Variants in DHRSX observed in about 807,000 individuals in gnomAD.
DHRSX encodes the protein polyprenol dehydrogenase.
In DHRSX, 31 loss-of-function variants were observed where a neutral mutation model predicts 34.0. That is an observed-to-expected ratio of 0.91 (90% confidence interval 0.69 to 1.23). The LOEUF is 1.23. Among genes scored for constraint, DHRSX ranks in the 50% most tolerant of loss-of-function variants. The pLI is 0.00. For synonymous variants in DHRSX, 201 were observed against 183.8 expected, an observed-to-expected ratio of 1.09 and a Z score of -0.76; for missense variants, 414 against 428.1, an observed-to-expected ratio of 0.97 and a Z score of 0.29.
chrX:2,371,393 C>T (rs866135559), intron 3 of DHRSX, among the ~76,000 whole-genome samples: 2 of 48,134 alleles, frequency 4.2e-5, no homozygotes, highest in Admixed American at 1.9e-4. Context: ...ACCACAGTCC[C>T]CCCTTCTCAC....
chrX:2,321,518 T>C (rs1451721721), intron 3 of DHRSX, among the ~76,000 whole-genome samples: 1 of 152,042 alleles, frequency 6.6e-6, no homozygotes, highest in Admixed American at 6.6e-5. Context: ...GGGATCCTTA[T>C]GTTGGGATTC....
At chrX:2,251,835 G>A (rs1240419341) in intron 5 of DHRSX, among the ~76,000 whole-genome samples, 1 of 152,058 alleles carries the variant, frequency 6.6e-6, no homozygotes, top group Non-Finnish European at 1.5e-5. Context: ...GTGACAAGGG[G>A]GTCCTTAGCC....
intron 1 of DHRSX, among the ~76,000 whole-genome samples, chrX:2,430,561 A>G (rs1488913974): frequency 6.6e-6 from 1 of 152,030 alleles, no homozygotes; most frequent in Admixed American, 6.6e-5. Context: ...CCTTCTACCC[A>G]ATTCCTCGCC....
At chrX:2,332,708 T>C (rs191809747) in intron 3 of DHRSX, among the ~76,000 whole-genome samples, 3 of 152,264 alleles carry the variant, frequency 2.0e-5, no homozygotes, top group Admixed American at 6.5e-5. Context: ...TTTTAACCCA[T>C]TGAGTTTTAG....
rs1200722846 is a variant in DHRSX, at chrX:2,401,776, C to T, written c.286+6969G>A. ...CTAAGTAAGACAGCTTTCATCAGCA[C>T]ATAATTACCCAGGAGCCACAAAGGT... On this transcript the variant is annotated intron_variant, in intron 3 of 6. Transcript: ENST00000334651. 2.6e-5 allele frequency among the ~76,000 whole-genome samples: 4 copies of T among 152,274 alleles called. No homozygotes were observed. The East Asian group carries it at 5.8e-4, about 22-fold the overall frequency.
rs1436008508 is a variant in DHRSX at position 2,258,200 on chromosome X, T to C, written c.596+8540A>G. 3.3e-5 allele frequency among the ~76,000 whole-genome samples: 5 copies of C among 149,714 alleles called. No homozygotes were observed. The South Asian group carries it at 1.1e-3, about 32-fold the overall frequency. On this transcript the variant is annotated intron_variant, in intron 5 of 6. Coordinates refer to ENST00000334651, the MANE Select transcript of DHRSX (RefSeq NM_145177.3). ...CTGCTGTTATAAGCTACACAGTCTA[T>C]GGTATTCTGTGATAGCAGCCTGAGA...
intron 1 of DHRSX, among the ~76,000 whole-genome samples, chrX:2,434,654 G>C (rs754614473): frequency 6.6e-6 from 1 of 152,330 alleles, no homozygotes; most frequent in African/African-American, 2.4e-5. Context: ...CTGGGTGACA[G>C]AGCAAGACGC....
rs192303212 is a variant in DHRSX, at chrX:2,250,338, C to G, written c.597-7108G>C. Among the ~76,000 whole-genome samples, 247 of 151,720 alleles carry G rather than the reference C, an allele frequency of 1.6e-3. 1 individual carries two copies. The highest frequency in any genetic ancestry group is 5.7e-3 in the African/African-American group (235 of 41,364). ...TCGTGAGAAAGAACTCCGAGTGGGT[C>G]CATAGAGTAAAGTGAAAGCAAGTTT... is the stretch of plus-strand genomic sequence containing the variant. On this transcript the variant is annotated intron_variant, in intron 5 of 6. Coordinates refer to ENST00000334651, the MANE Select transcript of DHRSX (RefSeq NM_145177.3).
intron 3 of DHRSX, among the ~76,000 whole-genome samples, chrX:2,310,954 G>C (rs1284766666): frequency 6.6e-6 from 1 of 151,754 alleles, no homozygotes; most frequent in Non-Finnish European, 1.5e-5. Flanking sequence ...CCAGCTACTC[G>C]GGAGGCTGAG....
rs191497341 is a variant in DHRSX, at chrX:2,433,541, C to T, written c.110-8237G>A. 4.8e-3 allele frequency among the ~76,000 whole-genome samples: 735 copies of T among 152,078 alleles called. 5 individuals carry two copies. Among genetic ancestry groups the T allele is most frequent in the African/African-American group, 0.017 (700 of 41,498 alleles). ...CATGCATTAGGTATTTGTCCTAATG[C>T]GCTCCCTCTCCTTGTTCCCCAGCCC... On this transcript the variant is annotated intron_variant, in intron 1 of 6. Coordinates refer to ENST00000334651, the MANE Select transcript of DHRSX (RefSeq NM_145177.3).
At chrX:2,248,683 C>T (rs1477109743) in intron 5 of DHRSX, among the ~76,000 whole-genome samples, 1 of 151,588 alleles carries the variant, frequency 6.6e-6, no homozygotes, top group Non-Finnish European at 1.5e-5. Flanking sequence ...ATTCCTTGAC[C>T]TGCCTTGTTT....
At chrX:2,249,744 G>A (rs2016392639) in intron 5 of DHRSX, among the ~76,000 whole-genome samples, 1 of 150,870 alleles carries the variant, frequency 6.6e-6, no homozygotes, top group Non-Finnish European at 1.5e-5. Context: ...GGCCAGTCTC[G>A]AACTCCTGAC....
At chrX:2,311,704 AG>A (rs1262925603) in intron 3 of DHRSX, among the ~76,000 whole-genome samples, 66 of 152,304 alleles carry the variant, frequency 4.3e-4, no homozygotes, top group Middle Eastern at 3.4e-3. Context: ...AGAGCTTTCA[AG>A]AACAATTCTG....
In DHRSX at chrX:2,265,413, G is replaced by A. The variant is rs771740837; in HGVS notation, c.596+1327C>T. Among the ~76,000 whole-genome samples the A allele has an allele frequency of 4.5e-5, 6 of 131,924 alleles. No individual in the cohort carries two copies. The South Asian group carries it at 1.6e-3, about 35-fold the overall frequency. 86.5% of individuals were successfully genotyped at this position (131,924 alleles called of 152,430 possible). On this transcript the variant is annotated intron_variant, in intron 5 of 6. Transcript: ENST00000334651. Reference sequence around the variant, plus strand: ...GAGCACCAGTGTACAGCAGACGCAGGGAGCACTGTCCCCAGAGCACCAGTG... The same window carrying A: ...GAGCACCAGTGTACAGCAGACGCAGAGAGCACTGTCCCCAGAGCACCAGTG...
At chrX:2,484,439 C>G (rs1603156803) in intron 1 of DHRSX, among the ~76,000 whole-genome samples, 1 of 152,094 alleles carries the variant, frequency 6.6e-6, no homozygotes, top group African/African-American at 2.4e-5. Context: ...GACAGGCAGC[C>G]GCAGCTAGGA....
chrX:2,412,638 G>T (rs1280660478), intron 2 of DHRSX, among the ~76,000 whole-genome samples: 1 of 151,896 alleles, frequency 6.6e-6, no homozygotes, highest in Non-Finnish European at 1.5e-5. Context: ...ACACCCCCAT[G>T]TTCGTTGCAG....
At chrX:2,230,409 C>G (rs752515220) in intron 6 of DHRSX, among the ~76,000 whole-genome samples, 1 of 152,174 alleles carries the variant, frequency 6.6e-6, no homozygotes, top group East Asian at 1.9e-4. Flanking sequence ...CTGCTCTTAC[C>G]AGGAATAAAC....
intron 1 of DHRSX, among the ~76,000 whole-genome samples, chrX:2,485,011 C>A (rs1187879489): frequency 2.0e-5 from 3 of 152,194 alleles, no homozygotes; most frequent in Non-Finnish European, 4.4e-5. Flanking sequence ...CCTTCAGAGG[C>A]CTGCTGGGAA....
chrX:2,452,747 G>A (rs2044242319), intron 1 of DHRSX, among the ~76,000 whole-genome samples: 1 of 151,992 alleles, frequency 6.6e-6, no homozygotes, highest in South Asian at 2.1e-4. Flanking sequence ...AGGGACGGCC[G>A]TCATGTACAC....
Sources: allele counts gnomAD v4.1 joint callset (sites outside exome capture counted in the v4.1 genomes callset), GRCh38; gene constraint gnomAD v4.1.1; transcripts MANE v1.5; gene names NCBI Gene and HGNC (gene_info 2026-07-23, HGNC 2026-07-21).